GMPR: variants seen among roughly 807,000 people sequenced by gnomAD.
The protein encoded by GMPR is GMP reductase 1.
GMPR carries 31 observed loss-of-function variants against 38.4 expected under a neutral mutation model. That is an observed-to-expected ratio of 0.81 (90% confidence interval 0.61 to 1.09). The LOEUF (loss-of-function observed/expected upper bound fraction) is 1.09, where lower values mean the gene tolerates loss of function less well. Ranked by LOEUF, GMPR falls within the 50% of genes least tolerant of loss-of-function variation. GMPR has a pLI of 0.00. For synonymous variants in GMPR, 162 were observed against 173.3 expected, an observed-to-expected ratio of 0.93 and a Z score of 0.51; for missense variants, 468 against 453.7, an observed-to-expected ratio of 1.03 and a Z score of -0.29.
intron 4 of GMPR, among the ~76,000 whole-genome samples, chr6:16,274,203 T>G (rs1759435056): frequency 6.6e-6 from 1 of 152,188 alleles, no homozygotes; most frequent in South Asian, 2.1e-4. Context: ...AGTTCTTAAA[T>G]CATATAATGC....
intron 7 of GMPR, among the ~76,000 whole-genome samples, chr6:16,286,862 C>T (rs559095604): frequency 4.1e-4 from 63 of 151,982 alleles, no homozygotes; most frequent in Middle Eastern, 3.4e-3. Flanking sequence ...GCCAAGATCA[C>T]GCCACTGCAC....
chr6:16,287,269 T>G (rs1759704314), intron 7 of GMPR, among the ~76,000 whole-genome samples: 1 of 152,234 alleles, frequency 6.6e-6, no homozygotes, highest in African/African-American at 2.4e-5. Flanking sequence ...TATGATTGGT[T>G]TTTGAGCTGA....
At chr6:16,279,264 G>T (rs950678312) in intron 6 of GMPR, among the ~76,000 whole-genome samples, 6 of 152,194 alleles carry the variant, frequency 3.9e-5, no homozygotes, top group East Asian at 1.9e-4. Context: ...AGGGTGTTGG[G>T]GGGGGCATGC....
At chr6:16,245,804 T>A (rs1390961555) in intron 1 of GMPR, among the ~76,000 whole-genome samples, 1 of 152,128 alleles carries the variant, frequency 6.6e-6, no homozygotes, top group African/African-American at 2.4e-5. Flanking sequence ...TGGGCTTGCT[T>A]AGGGAAAGCT....
chr6:16,272,840 T>C (rs567834200), intron 4 of GMPR, among the ~76,000 whole-genome samples: 3 of 152,298 alleles, frequency 2.0e-5, no homozygotes, highest in African/African-American at 7.2e-5. Flanking sequence ...TTTTCTTTTT[T>C]TTACATAGAG....
intron 4 of GMPR, among the ~76,000 whole-genome samples, chr6:16,268,699 A>G (rs1198633508): frequency 6.6e-6 from 1 of 152,184 alleles, no homozygotes; most frequent in Non-Finnish European, 1.5e-5. Flanking sequence ...TTTTCTTGCA[A>G]GAGGACCCCA....
chr6:16,238,607 C>A lies in GMPR; in HGVS notation c.-87C>A. 3.0e-6 allele frequency: 1 copy of A among 334,940 alleles called. No individual in the cohort carries two copies. The highest frequency in any genetic ancestry group is 4.4e-6 in the Non-Finnish European group (1 of 226,832). 20.7% of individuals were successfully genotyped at this position (334,940 alleles called of 1,614,324 possible). A position where few individuals can be genotyped will look rare whatever the true frequency, so the allele number is the denominator to read the frequency against. On this transcript the variant is annotated 5_prime_UTR_variant, in exon 1 of 9. Transcript: ENST00000259727. ...GGCCCACGCCAGCTCCCGGCCGCGG[C>A]ACAGCAGCCCCGGCGCTCCCCGCGC...
intron 4 of GMPR, among the ~76,000 whole-genome samples, chr6:16,265,444 C>G (rs991202512): frequency 1.3e-5 from 2 of 152,222 alleles, no homozygotes; most frequent in African/African-American, 4.8e-5. Flanking sequence ...CACATGCCAC[C>G]AGTTCAGGCT....
chr6:16,266,146 CTGTAACACTTGCCATCTT>C, intron 4 of GMPR, among the ~76,000 whole-genome samples: 1 of 124,804 alleles, frequency 8.0e-6, no homozygotes. Context: ...TCTTTAAGAG[CTGTAACACTTGCCATCTT>C]TAAGAGCTGT....
At chr6:16,253,415 C>T (rs920423994) in intron 3 of GMPR, among the ~76,000 whole-genome samples, 1 of 152,146 alleles carries the variant, frequency 6.6e-6, no homozygotes, top group Non-Finnish European at 1.5e-5. Flanking sequence ...CACCCATTTG[C>T]TTTTGGGAAG....
chr6:16,255,411 C>G (rs1203854882), intron 4 of GMPR, among the ~76,000 whole-genome samples: 1 of 152,144 alleles, frequency 6.6e-6, no homozygotes, highest in Admixed American at 6.5e-5. Context: ...ATATGTAGGT[C>G]CTCCATGTCC....
intron 2 of GMPR, among the ~76,000 whole-genome samples, chr6:16,247,649 A>G (rs1391555737): frequency 6.6e-6 from 1 of 152,196 alleles, no homozygotes; most frequent in Non-Finnish European, 1.5e-5. Flanking sequence ...TGCTGGGATT[A>G]CAGGCATGAG....
At chr6:16,289,286 AGT>A (rs1759775903) in intron 7 of GMPR, among the ~76,000 whole-genome samples, 1 of 152,240 alleles carries the variant, frequency 6.6e-6, no homozygotes, top group African/African-American at 2.4e-5. Context: ...TCTTGAAGTC[AGT>A]GAGACCAAGA....
At chr6:16,257,143 A>G (rs920921894) in intron 4 of GMPR, among the ~76,000 whole-genome samples, 9 of 152,174 alleles carry the variant, frequency 5.9e-5, no homozygotes, top group Non-Finnish European at 1.0e-4. Flanking sequence ...AGTAGAGTTA[A>G]TAATCCATTA....
chr6:16,254,781 A>G (rs1758943247), intron 4 of GMPR, 46 bp downstream of exon 4: 1 of 1,402,368 alleles, frequency 7.1e-7, no homozygotes. Context: ...AAGATGGGGA[A>G]GCCACGAGGG....
At chr6:16,266,803 CA>C (rs559121473) in intron 4 of GMPR, among the ~76,000 whole-genome samples, 3 of 150,036 alleles carry the variant, frequency 2.0e-5, no homozygotes, top group South Asian at 2.1e-4. Flanking sequence ...AACAAACAAA[CA>C]AAAAAAGAGC....
At chr6:16,270,739 C>G (rs180026) in intron 4 of GMPR, among the ~76,000 whole-genome samples, 3,076 of 152,360 alleles carry the variant, frequency 0.02, 71 homozygotes, top group Admixed American at 0.069. Flanking sequence ...ATGGTTGAGG[C>G]ATTTCATAAT....
intron 2 of GMPR, among the ~76,000 whole-genome samples, chr6:16,249,818 G>A (rs977649212): frequency 3.9e-5 from 6 of 152,240 alleles, no homozygotes; most frequent in East Asian, 1.9e-4. Context: ...GAAGTGTTCC[G>A]GTTGTGAGCA....
chr6:16,239,185 T>A (rs1561816644), intron 1 of GMPR, among the ~76,000 whole-genome samples: 1 of 152,180 alleles, frequency 6.6e-6, no homozygotes, highest in Non-Finnish European at 1.5e-5. Context: ...CGTCTCCTAG[T>A]GCTGATAATT....
Sources: allele counts gnomAD v4.1 joint callset (sites outside exome capture counted in the v4.1 genomes callset), GRCh38; gene constraint gnomAD v4.1.1; transcripts MANE v1.5; gene names NCBI Gene and HGNC (gene_info 2026-07-23, HGNC 2026-07-21).